Variants in SCARB1 observed in about 807,000 individuals in gnomAD.
SCARB1 encodes scavenger receptor class B member 1.
SCARB1 carries 30 observed loss-of-function variants against 57.2 expected under a neutral mutation model. The ratio of observed to expected loss-of-function variants is 0.52; its 90% confidence interval spans 0.39 to 0.71. The LOEUF is 0.71. Among genes scored for constraint, SCARB1 ranks in the 30% least tolerant of loss-of-function variants. The pLI, the probability that SCARB1 is intolerant of heterozygous loss-of-function variation, is 0.00. For missense variants in SCARB1, 543 were observed against 671.2 expected, an observed-to-expected ratio of 0.81 and a Z score of 2.11; for synonymous variants, 249 against 268.3, an observed-to-expected ratio of 0.93 and a Z score of 0.70.
In SCARB1 at chr12:124,807,930, G is replaced by A; in HGVS notation, c.843-3C>T. 6.2e-7 allele frequency: 1 copy of A among 1,613,982 alleles called. No individual in the cohort carries two copies. Among genetic ancestry groups the A allele is most frequent in the African/African-American group, 1.3e-5 (1 of 75,048 alleles). ...CCTTGTACATTAGCTTCATGGATCT[G>A]CAGGGGACAGACAGGATGAGAGGGG... is the stretch of plus-strand genomic sequence containing the variant. On this transcript the variant is annotated splice_polypyrimidine_tract_variant and splice_region_variant and intron_variant, in intron 6 of 12. Coordinates refer to ENST00000261693, the MANE Select transcript of SCARB1 (RefSeq NM_005505.5). This position sits in a 1 kb window ranked among gnomAD's most constrained non-coding sequence, Gnocchi z 5.3.
Position 124,863,598 on chromosome 12 carries a change from A to G in SCARB1, c.123T>C (p.Leu41=), listed in dbSNP as rs1473133346. The change falls in exon 1 of 13, where the codon CTT becomes CTC. Residue 41 remains leucine (L), a synonymous_variant. Transcript: ENST00000261693. ...MVPSLIKQQV[L]KNVRIDPSSL... is the part of the protein sequence containing the mutation. ...CCCTGGGGTCTCCCTCACCCACCTT[A>G]AGGACCTGCTGCTTGATGAGCGACG... The G allele has an allele frequency of 1.2e-6, 2 of 1,602,510 alleles. No homozygotes were observed. The highest frequency in any genetic ancestry group is 1.7e-6 in the Non-Finnish European group (2 of 1,174,648).
In SCARB1 at chr12:124,789,438, CTG is replaced by C. The variant is rs948881741; in HGVS notation, c.1203-1983_1203-1982del. 1.2e-4 allele frequency among the ~76,000 whole-genome samples: 19 copies of C among 152,324 alleles called. No homozygotes were observed. In the East Asian group the frequency reaches 2.1e-3, roughly 17 times the overall value. On this transcript the variant is annotated intron_variant, in intron 9 of 12. Transcript: ENST00000261693. The surrounding 1 kb of genome is among the most constrained non-coding windows in gnomAD (Gnocchi z 4.4). ...GAAGACCAATGCGACACCTGGGAAA[CTG>C]TGACCTGCCACGACGAAGGGGACCG...
intron 1 of SCARB1, among the ~76,000 whole-genome samples, chr12:124,853,344 G>A (rs1307194098): frequency 2.0e-5 from 3 of 151,816 alleles, no homozygotes; most frequent in Non-Finnish European, 4.4e-5. Flanking sequence ...CCAAATGCAG[G>A]AAGATTTTAT....
intron 5 of SCARB1, among the ~76,000 whole-genome samples, chr12:124,811,511 GA>G (rs1181442092): frequency 6.6e-6 from 1 of 152,192 alleles, no homozygotes; most frequent in African/African-American, 2.4e-5. Context: ...GACCTCAGGT[GA>G]TCCCCCCCAC....
chr12:124,798,149 G>A lies in SCARB1; in HGVS notation c.1128+1975C>T, dbSNP rs543186982. 2.6e-5 allele frequency among the ~76,000 whole-genome samples: 4 copies of A among 152,358 alleles called. No individual in the cohort carries two copies. The East Asian group carries it at 5.8e-4, about 22-fold the overall frequency. On this transcript the variant is annotated intron_variant, in intron 8 of 12. Coordinates refer to ENST00000261693, the MANE Select transcript of SCARB1 (RefSeq NM_005505.5). The stretch of plus-strand genomic sequence containing the variant: ...AATCCAGCTGGGCGCGGCGGCTCAC[G>A]CCTGGAATCCCAGCACTTTGGGAGG...
chr12:124,781,571 C>T (rs1350587079), intron 12 of SCARB1, among the ~76,000 whole-genome samples: 1 of 152,144 alleles, frequency 6.6e-6, no homozygotes, highest in Admixed American at 6.5e-5. Context: ...ACGCAGAACC[C>T]CCAGGGGCAT....
rs914714481 is a variant in SCARB1, at chr12:124,822,496, C to T, written c.127-4789G>A. On this transcript the variant is annotated intron_variant, in intron 1 of 12. Coordinates refer to ENST00000261693, the MANE Select transcript of SCARB1 (RefSeq NM_005505.5). This position sits in a 1 kb window ranked among gnomAD's most constrained non-coding sequence, Gnocchi z 5.0. The stretch of plus-strand genomic sequence containing the variant: ...GAGAGAGAAGCCAGACCAGTGGCTG[C>T]CGGGGACCGGGATGGAGGGAGGGGA... 1.3e-5 allele frequency among the ~76,000 whole-genome samples: 2 copies of T among 152,236 alleles called. No individual in the cohort carries two copies. Among genetic ancestry groups the T allele is most frequent in the Non-Finnish European group, 2.9e-5 (2 of 68,038 alleles).
intron 1 of SCARB1, among the ~76,000 whole-genome samples, chr12:124,853,390 GTTTTTTT>G (rs757246980): frequency 8.2e-6 from 1 of 122,536 alleles, no homozygotes. Flanking sequence ...GCATAGTTTT[GTTTTTTT>G]TTTTTTTTTT....
At chr12:124,827,618 G>A (rs1467693448) in intron 1 of SCARB1, among the ~76,000 whole-genome samples, 2 of 152,128 alleles carry the variant, frequency 1.3e-5, no homozygotes, top group African/African-American at 4.8e-5. Flanking sequence ...ACCACTGTCT[G>A]TTACTCAGCC....
At chr12:124,839,198 T>C (rs927205786) in intron 1 of SCARB1, 8 of 455,582 alleles carry the variant, frequency 1.8e-5, no homozygotes, top group Admixed American at 1.2e-4. Context: ...CTGTACCCAC[T>C]GAAAAAGAGC....
chr12:124,832,283 G>A (rs969897544), intron 1 of SCARB1, among the ~76,000 whole-genome samples: 11 of 152,208 alleles, frequency 7.2e-5, no homozygotes, highest in African/African-American at 2.7e-4. Flanking sequence ...ACTTTGGGAG[G>A]CCAAGGCAGG....
At chr12:124,833,252 T>C (rs1400825575) in intron 1 of SCARB1, among the ~76,000 whole-genome samples, 1 of 151,534 alleles carries the variant, frequency 6.6e-6, no homozygotes, top group Non-Finnish European at 1.5e-5. Context: ...TGCAGTGGTG[T>C]GATCACGGCT....
intron 6 of SCARB1, among the ~76,000 whole-genome samples, chr12:124,809,603 C>G (rs543502113): frequency 1.9e-4 from 29 of 152,310 alleles, no homozygotes; most frequent in African/African-American, 6.7e-4. Context: ...ACCTGGCACA[C>G]AGTAGGGCTT....
At chr12:124,843,294 G>GT (rs986068438) in intron 1 of SCARB1, among the ~76,000 whole-genome samples, 4 of 123,174 alleles carry the variant, frequency 3.2e-5, no homozygotes, top group Non-Finnish European at 5.8e-5. Context: ...TGGAGATGGG[G>GT]GGGGGGGTCT....
intron 11 of SCARB1, 77 bp from the exon 12 acceptor site, chr12:124,782,888 A>C: frequency 1.3e-6 from 2 of 1,494,452 alleles, no homozygotes; most frequent in Non-Finnish European, 9.3e-7. Flanking sequence ...TTCAATTTGC[A>C]AAAGGCAAAG....
intron 1 of SCARB1, among the ~76,000 whole-genome samples, chr12:124,832,008 T>C (rs1293558688): frequency 6.6e-6 from 1 of 151,614 alleles, no homozygotes; most frequent in African/African-American, 2.4e-5. Context: ...ACAAACGCAA[T>C]GTGGGGCCCT....
intron 1 of SCARB1, among the ~76,000 whole-genome samples, chr12:124,848,672 G>A (rs1397188550): frequency 6.6e-6 from 1 of 152,196 alleles, no homozygotes; most frequent in African/African-American, 2.4e-5. Flanking sequence ...GAACACACTG[G>A]GCTGCTTTAT....
chr12:124,821,242 A>T (rs902060461), intron 1 of SCARB1: 23 of 235,834 alleles, frequency 9.8e-5, no homozygotes, highest in South Asian at 1.6e-4. Context: ...CATCTCACAC[A>T]CACACACACA....
chr12:124,815,682 A>G (rs1449780746), intron 2 of SCARB1, among the ~76,000 whole-genome samples: 2 of 152,220 alleles, frequency 1.3e-5, no homozygotes, highest in Non-Finnish European at 2.9e-5. Context: ...CCTGCCCAAC[A>G]TGGCGAAACC....
Sources: allele counts gnomAD v4.1 joint callset (sites outside exome capture counted in the v4.1 genomes callset), GRCh38; gene constraint gnomAD v4.1.1; non-coding constraint Gnocchi (gnomAD v3.1); transcripts MANE v1.5; gene names NCBI Gene and HGNC (gene_info 2026-07-23, HGNC 2026-07-21).